MED12L: variants seen among roughly 807,000 people sequenced by gnomAD.
MED12L encodes the protein mediator complex subunit 12L, also known as mediator of RNA polymerase II transcription subunit 12-like protein.
Under a neutral mutation model 281.3 loss-of-function variants are expected in MED12L, and 60 were observed. The observed-to-expected ratio is 0.21, with a 90% CI of 0.17 to 0.26. The LOEUF (loss-of-function observed/expected upper bound fraction) is 0.26, where lower values mean the gene tolerates loss of function less well. MED12L is among the 10% of genes least tolerant of loss of function. The pLI is 1.00. For synonymous variants in MED12L, 974 were observed against 987.2 expected (o/e 0.99, Z 0.25); for missense variants, 2,146 against 2,680.9 (o/e 0.80, Z 4.41).
Position 151,302,809 on chromosome 3 carries a change from A to G in MED12L, c.2251-47250A>G, listed in dbSNP as rs76536939. 9.0e-3 allele frequency among the ~76,000 whole-genome samples: 1,364 copies of G among 152,200 alleles called. 27 individuals carry two copies. Among genetic ancestry groups the G allele is most frequent in the African/African-American group, 0.032 (1,308 of 41,510 alleles). The stretch of plus-strand genomic sequence containing the variant: ...GGTCGTTTACTAAGAGTCTGCTCAT[A>G]TTTCAGGCCCTGGAGTTTATAAAGA... On this transcript the variant is annotated intron_variant, in intron 16 of 44. Coordinates refer to ENST00000687756, the MANE Select transcript of MED12L (RefSeq NM_001393769.1).
chr3:151,277,917 A>G (rs1459032320), intron 16 of MED12L, among the ~76,000 whole-genome samples: 1 of 152,160 alleles, frequency 6.6e-6, no homozygotes, highest in African/African-American at 2.4e-5. Context: ...GTATTATGCT[A>G]ATCGATTTTG....
intron 23 of MED12L, 78 bp downstream of exon 23, chr3:151,366,069 T>C: frequency 8.3e-7 from 1 of 1,201,816 alleles, no homozygotes; most frequent in Non-Finnish European, 1.1e-6. Context: ...TGCTTTTGGC[T>C]TTTATTTAAT....
At chr3:151,356,101 T>C in intron 19 of MED12L, 62 bp downstream of exon 19, 1 of 1,528,804 alleles carries the variant, frequency 6.5e-7, no homozygotes, top group Non-Finnish European at 8.8e-7. Flanking sequence ...CATTGTGCAA[T>C]TTAAAGTGAG....
At chr3:151,282,358 G>GTTT (rs146250992) in intron 16 of MED12L, among the ~76,000 whole-genome samples, 3 of 149,306 alleles carry the variant, frequency 2.0e-5, no homozygotes, top group African/African-American at 7.4e-5. Context: ...GTTTTTTTTT[G>GTTT]TTTTTTTTTG....
chr3:151,358,751 C>T (rs904784362), intron 20 of MED12L, among the ~76,000 whole-genome samples: 41 of 152,168 alleles, frequency 2.7e-4, no homozygotes, highest in African/African-American at 8.2e-4. Context: ...TTCACTTCTT[C>T]GTACTTATGT....
intron 2 of MED12L, among the ~76,000 whole-genome samples, chr3:151,104,470 C>T (rs1165884330): frequency 6.6e-6 from 1 of 152,128 alleles, no homozygotes; most frequent in Non-Finnish European, 1.5e-5. Context: ...GCTGTGCAGT[C>T]AGCGGCCGAG....
intron 16 of MED12L, chr3:151,336,802 C>T (rs1475956961): frequency 1.6e-5 from 4 of 242,818 alleles, no homozygotes; most frequent in African/African-American, 4.6e-5. Context: ...TATGGTGAGT[C>T]ATGGTATCTA....
At chr3:151,396,923 T>C (rs371176727) in intron 39 of MED12L, among the ~76,000 whole-genome samples, 82 of 152,348 alleles carry the variant, frequency 5.4e-4, no homozygotes, top group African/African-American at 1.9e-3. Flanking sequence ...ATAATCTACA[T>C]GTAATCAAAG....
At chr3:151,162,172 T>C (rs969864510) in intron 8 of MED12L, among the ~76,000 whole-genome samples, 1 of 152,126 alleles carries the variant, frequency 6.6e-6, no homozygotes, top group African/African-American at 2.4e-5. Flanking sequence ...CAGTGTTTGA[T>C]AGATCAGTGC....
Position 151,085,703 on chromosome 3 carries a change from G to A in MED12L, c.-363G>A, listed in dbSNP as rs1273093686. On this transcript the variant is annotated 5_prime_UTR_variant, in exon 1 of 45. Coordinates refer to ENST00000687756, the MANE Select transcript of MED12L (RefSeq NM_001393769.1). ...CGCCGCGCCGCCGTCCGCCAACTCGGAAGCTCGCGCTCCCGGGCCGTGGGG... is the reference window on the plus strand; with the variant it reads ...CGCCGCGCCGCCGTCCGCCAACTCGAAAGCTCGCGCTCCCGGGCCGTGGGG... 6.6e-6 allele frequency: 1 copy of A among 151,968 alleles called. No homozygotes were observed. The highest frequency in any genetic ancestry group is 1.5e-5 in the Non-Finnish European group (1 of 67,936). The allele number at this position is 151,968 out of a possible 1,614,324, so 9.4% of individuals were successfully genotyped here. A position where few individuals can be genotyped will look rare whatever the true frequency, so the allele number is the denominator to read the frequency against.
chr3:151,405,844 G>A lies in MED12L; in HGVS notation c.5821-3399G>A, dbSNP rs563982240. ...ATGCTAAACATTAAATTAAATTTGA[G>A]TTTTCAAAAGATGGAGCTGACAACT... On this transcript the variant is annotated intron_variant, in intron 39 of 44. Coordinates refer to ENST00000687756, the MANE Select transcript of MED12L (RefSeq NM_001393769.1). Among the ~76,000 whole-genome samples the A allele has an allele frequency of 3.3e-5, 5 of 152,284 alleles. No individual in the cohort carries two copies. The South Asian group carries it at 1.0e-3, about 32-fold the overall frequency.
chr3:151,380,252 G>A, intron 32 of MED12L, 28 bp downstream of exon 32: 1 of 1,392,540 alleles, frequency 7.2e-7, no homozygotes, highest in Non-Finnish European at 1.0e-6. Context: ...ATTAAGACAG[G>A]CAAATATCTT....
At chr3:151,265,944 G>A (rs935150357) in intron 16 of MED12L, among the ~76,000 whole-genome samples, 12 of 152,270 alleles carry the variant, frequency 7.9e-5, no homozygotes, top group South Asian at 2.1e-4. Flanking sequence ...GGGCATCAGC[G>A]CTGGGCAAGT....
At chr3:151,380,314 G>A in intron 32 of MED12L, 90 bp downstream of exon 32, 2 of 877,720 alleles carry the variant, frequency 2.3e-6, no homozygotes, top group Non-Finnish European at 3.5e-6. Flanking sequence ...AAATTAATAA[G>A]GGCCAGGTGT....
intron 43 of MED12L, among the ~76,000 whole-genome samples, chr3:151,423,598 T>C (rs1560150100): frequency 6.6e-6 from 1 of 152,216 alleles, no homozygotes; most frequent in Non-Finnish European, 1.5e-5. Context: ...TGGGAAAATA[T>C]ATTTGGCATG....
chr3:151,169,671 T>C (rs1286291269), intron 11 of MED12L, among the ~76,000 whole-genome samples: 1 of 152,228 alleles, frequency 6.6e-6, no homozygotes, highest in African/African-American at 2.4e-5. Context: ...ATAGCAATTA[T>C]TAGTATTATA....
At chr3:151,119,573 T>C (rs781354350) in intron 3 of MED12L, among the ~76,000 whole-genome samples, 1 of 152,172 alleles carries the variant, frequency 6.6e-6, no homozygotes. Flanking sequence ...TCTCCAAATA[T>C]AGTCACATTG....
chr3:151,206,071 AT>A (rs60866327), intron 16 of MED12L, among the ~76,000 whole-genome samples: 8,672 of 124,044 alleles, frequency 0.07, 193 homozygotes, highest in East Asian at 0.16. Context: ...AAAGAAAATA[AT>A]TTTTTTTTTT....
chr3:151,248,795 AGC>A (rs1365364619), intron 16 of MED12L: 1 of 152,144 alleles, frequency 6.6e-6, no homozygotes, highest in East Asian at 1.9e-4. Context: ...CACCACACAA[AGC>A]CATTTTACAT....
Sources: allele counts gnomAD v4.1 joint callset (sites outside exome capture counted in the v4.1 genomes callset), GRCh38; gene constraint gnomAD v4.1.1; transcripts MANE v1.5; gene names NCBI Gene and HGNC (gene_info 2026-07-23, HGNC 2026-07-21).